PEX11A: variants seen among roughly 807,000 people sequenced by gnomAD.
The protein encoded by PEX11A is peroxisomal biogenesis factor 11 alpha.
A neutral mutation model predicts 14.4 loss-of-function variants in PEX11A; 13 were observed. The ratio of observed to expected loss-of-function variants is 0.90; its 90% CI spans 0.59 to 1.43. PEX11A has a LOEUF of 1.43. Ranked by LOEUF, PEX11A falls within the 40% of genes most tolerant of loss-of-function variation. The pLI, the probability that PEX11A is intolerant of heterozygous loss-of-function variation, is 0.00. For synonymous variants in PEX11A, 101 were observed against 113.0 expected (o/e 0.89, Z 0.67); for missense variants, 290 against 302.8 (o/e 0.96, Z 0.31).
chr15:89,686,479 C>T lies in PEX11A; in HGVS notation c.124G>A (p.Val42Ile). Residue 42 changes from valine to isoleucine, a missense_variant, in exon 2 of 3, where the codon GTA becomes ATA. By Grantham distance (29) the Val-to-Ile change is conservative (BLOSUM62 3). Coordinates refer to ENST00000300056, the MANE Select transcript of PEX11A (RefSeq NM_003847.3). ...GACTCCAGTTTCTTGAGCTTCATTA[C>T]CACCTTCTCTTTGCCAGCTTTGGGC... is the stretch of plus-strand genomic sequence containing the variant. The part of the protein sequence containing the change: ...LEPKAGKEKV[V>I]MKLKKLESSV... 6.2e-7 allele frequency: 1 copy of T among 1,606,430 alleles called. No individual in the cohort carries two copies. The highest frequency in any genetic ancestry group is 8.5e-7 in the Non-Finnish European group (1 of 1,173,084).
At chr15:89,687,247 C>A (rs1002530347) in intron 1 of PEX11A, among the ~76,000 whole-genome samples, 1 of 152,078 alleles carries the variant, frequency 6.6e-6, no homozygotes, top group African/African-American at 2.4e-5. Flanking sequence ...CTAAAATGAA[C>A]TTTTCTACCA....
rs1964613125 is a variant in PEX11A, at chr15:89,682,438, A to G, written c.*939T>C. 6.6e-6 allele frequency: 1 copy of G among 152,204 alleles called. No individual in the cohort carries two copies. The allele number at this position is 152,204 out of a possible 1,614,324, so 9.4% of individuals were successfully genotyped here. Reference sequence around the variant, plus strand: ...GCAATCCTTCCGCTTCAGCCTCCCAAAGTGCTGGGATTATAGGTGTGAGCC... The same window carrying G: ...GCAATCCTTCCGCTTCAGCCTCCCAGAGTGCTGGGATTATAGGTGTGAGCC... On this transcript the variant is annotated 3_prime_UTR_variant, in exon 3 of 3. Transcript: ENST00000300056.
chr15:89,684,334 T>G (rs1434848552), intron 2 of PEX11A, among the ~76,000 whole-genome samples: 3 of 152,196 alleles, frequency 2.0e-5, no homozygotes, highest in Non-Finnish European at 4.4e-5. Flanking sequence ...CTCTTTAAAT[T>G]TACCTCCTCC....
At chr15:89,686,972 G>T (rs1192379577) in intron 1 of PEX11A, among the ~76,000 whole-genome samples, 1 of 151,828 alleles carries the variant, frequency 6.6e-6, no homozygotes, top group African/African-American at 2.4e-5. Context: ...CGCCAGGCTG[G>T]AGTGCTGTGG....
At position 89,683,680 on chromosome 15, in the gene PEX11A, T is replaced by C. The variant is rs371136277; in HGVS notation, c.441A>G (p.Lys147=). ...TCTTTGCCCTGTCACATGTAACTCG[T>C]TTCATCTGCAGGGAGATTTCATACA... is the stretch of plus-strand genomic sequence containing the variant. The part of the protein sequence containing the change: ...RDLYEISLQM[K]RVTCDRAKKE... Residue 147 remains lysine (K), a synonymous_variant, in exon 3 of 3, where the codon AAA becomes AAG. Transcript: ENST00000300056. The C allele has an allele frequency of 1.9e-6, 3 of 1,614,120 alleles. No homozygotes were observed. Among genetic ancestry groups the C allele is most frequent in the Admixed American group, 1.7e-5 (1 of 60,014 alleles).
At position 89,681,641 on chromosome 15, in the gene PEX11A, T is replaced by C; in HGVS notation, c.*1736A>G. On this transcript the variant is annotated 3_prime_UTR_variant, in exon 3 of 3. Transcript: ENST00000300056. ...ATTTTCCCTGACCTAGTAGCTTTCA[T>C]GTCTCTTAAAATTCCCTAAATTTTA... 1 of 594,210 alleles carries C rather than the reference T, an allele frequency of 1.7e-6. No homozygotes were observed. The allele number at this position is 594,210 out of a possible 1,614,324, so 36.8% of individuals were successfully genotyped here.
At chr15:89,686,610 AG>A (rs753646870) in intron 1 of PEX11A, 64 bp from the exon 2 acceptor site, 63 of 773,392 alleles carry the variant, frequency 8.1e-5, no homozygotes, top group Non-Finnish European at 1.3e-4. Flanking sequence ...TAATTCAGGA[AG>A]TAAGGGAAAG....
At chr15:89,690,454 T>G in intron 1 of PEX11A, 123 bp downstream of exon 1, 1 of 687,168 alleles carries the variant, frequency 1.5e-6, no homozygotes. Context: ...CCGTAGGAGC[T>G]GGCAACGTCC....
At chr15:89,690,161 A>G (rs931679937) in intron 1 of PEX11A, among the ~76,000 whole-genome samples, 7 of 152,174 alleles carry the variant, frequency 4.6e-5, no homozygotes, top group Admixed American at 4.6e-4. Flanking sequence ...AAGTCACACC[A>G]AGTGGTTTGC....
Position 89,683,170 on chromosome 15 carries a change from T to A in PEX11A, c.*207A>T, listed in dbSNP as rs1964622411. On this transcript the variant is annotated 3_prime_UTR_variant, in exon 3 of 3. Coordinates refer to ENST00000300056, the MANE Select transcript of PEX11A (RefSeq NM_003847.3). ...GGGAAAATATTCAGAAATTCACAAGTCACTCCAGCACTCCAAAAACATACA... is the reference window on the plus strand; with the variant it reads ...GGGAAAATATTCAGAAATTCACAAGACACTCCAGCACTCCAAAAACATACA... The A allele has an allele frequency of 1.9e-6, 1 of 539,268 alleles. No individual in the cohort carries two copies. Among genetic ancestry groups the A allele is most frequent in the African/African-American group, 1.9e-5 (1 of 52,778 alleles). 33.4% of individuals were successfully genotyped at this position (539,268 alleles called of 1,614,324 possible). A position where few individuals can be genotyped will look rare whatever the true frequency, so the allele number is the denominator to read the frequency against.
Position 89,682,010 on chromosome 15 carries a change from A to G in PEX11A, c.*1367T>C, listed in dbSNP as rs1043173045. On this transcript the variant is annotated 3_prime_UTR_variant, in exon 3 of 3. Transcript: ENST00000300056. ...CCTCCTGCGCTTTCCACCTCCCTCA[A>G]TCACCCTAGAAATAAGATGTCTGAT... The G allele has an allele frequency of 3.7e-4, 56 of 152,860 alleles. No individual in the cohort carries two copies. The highest frequency in any genetic ancestry group is 2.2e-4 in the Non-Finnish European group (15 of 68,574). The allele number at this position is 152,860 out of a possible 1,614,324, so 9.5% of individuals were successfully genotyped here.
chr15:89,684,598 G>C (rs1233481473), intron 2 of PEX11A, among the ~76,000 whole-genome samples: 6 of 152,142 alleles, frequency 3.9e-5, no homozygotes, highest in Non-Finnish European at 7.4e-5. Context: ...ACCCCTTTTG[G>C]CTACCTATTG....
intron 1 of PEX11A, among the ~76,000 whole-genome samples, chr15:89,687,580 T>C (rs1326677375): frequency 6.6e-6 from 1 of 152,216 alleles, no homozygotes; most frequent in East Asian, 1.9e-4. Context: ...CATTTGGCAA[T>C]CTACTAATAA....
rs1239672502 is a variant in PEX11A at position 89,690,641 on chromosome 15, G to T, written c.-9C>A. The stretch of plus-strand genomic sequence containing the variant: ...CGGGTGAAGGCGTCCATGGCTTCTA[G>T]CCCAAAGGCCACGAGTCGCACGGGG... On this transcript the variant is annotated 5_prime_UTR_variant, in exon 1 of 3. Transcript: ENST00000300056. 2 of 1,550,322 alleles carry T rather than the reference G, an allele frequency of 1.3e-6. No individual in the cohort carries two copies. Among genetic ancestry groups the T allele is most frequent in the Admixed American group, 3.9e-5 (2 of 50,992 alleles).
Position 89,681,713 on chromosome 15 carries a change from C to T in PEX11A, c.*1664G>A. Reference sequence around the variant, plus strand: ...ATTGGTTAAACAGACAGCCAAGAATCTGAGTCTATTTTTTGAGAATCTCAA... The same window carrying T: ...ATTGGTTAAACAGACAGCCAAGAATTTGAGTCTATTTTTTGAGAATCTCAA... On this transcript the variant is annotated 3_prime_UTR_variant, in exon 3 of 3. Transcript: ENST00000300056. 1 of 487,358 alleles carries T rather than the reference C, an allele frequency of 2.1e-6. No homozygotes were observed. The highest frequency in any genetic ancestry group is 4.0e-5 in the South Asian group (1 of 25,228). 30.2% of individuals were successfully genotyped at this position (487,358 alleles called of 1,614,324 possible).
Position 89,683,966 on chromosome 15 carries a change from A to G in PEX11A, c.173-18T>C. 1 of 1,517,112 alleles carries G rather than the reference A, an allele frequency of 6.6e-7. No homozygotes were observed. Among genetic ancestry groups the G allele is most frequent in the Non-Finnish European group, 9.1e-7 (1 of 1,100,036 alleles). The allele number at this position is 1,517,112 out of a possible 1,614,324, so 94.0% of individuals were successfully genotyped here. On this transcript the variant is annotated intron_variant, in intron 2 of 2. Coordinates refer to ENST00000300056, the MANE Select transcript of PEX11A (RefSeq NM_003847.3). Reference sequence around the variant, plus strand: ...TCTGAACCCTGCAAGTAGAACCCACAATAGTGAACAGTTATTTCATTAGTA... The same window carrying G: ...TCTGAACCCTGCAAGTAGAACCCACGATAGTGAACAGTTATTTCATTAGTA...
At chr15:89,686,831 T>C (rs1964683930) in intron 1 of PEX11A, among the ~76,000 whole-genome samples, 1 of 113,598 alleles carries the variant, frequency 8.8e-6, no homozygotes, top group South Asian at 2.5e-4. Flanking sequence ...GAAATGGATA[T>C]AGTCAAAGTG....
At position 89,683,083 on chromosome 15, in the gene PEX11A, C is replaced by G; in HGVS notation, c.*294G>C. 2.9e-6 allele frequency: 1 copy of G among 348,022 alleles called. No homozygotes were observed. The highest frequency in any genetic ancestry group is 5.2e-6 in the Non-Finnish European group (1 of 193,018). 21.6% of individuals were successfully genotyped at this position (348,022 alleles called of 1,614,324 possible). A position where few individuals can be genotyped will look rare whatever the true frequency, so the allele number is the denominator to read the frequency against. ...AAATTTTTTCCTTTCAATTTTTATT[C>G]ATTCAGCAAATACTAAGCTCCCACT... On this transcript the variant is annotated 3_prime_UTR_variant, in exon 3 of 3. Coordinates refer to ENST00000300056, the MANE Select transcript of PEX11A (RefSeq NM_003847.3).
chr15:89,681,582 A>T lies in PEX11A; in HGVS notation c.*1795T>A, dbSNP rs767340351. 1.4e-6 allele frequency: 1 copy of T among 693,378 alleles called. No individual in the cohort carries two copies. The highest frequency in any genetic ancestry group is 2.6e-6 in the Non-Finnish European group (1 of 381,536). 43.0% of individuals were successfully genotyped at this position (693,378 alleles called of 1,614,324 possible). A position where few individuals can be genotyped will look rare whatever the true frequency, so the allele number is the denominator to read the frequency against. ...CATAGTTAATCTATTACAGTAGAGGATCTGGACAATAAAAATAGTTATTTA... is the reference window on the plus strand; with the variant it reads ...CATAGTTAATCTATTACAGTAGAGGTTCTGGACAATAAAAATAGTTATTTA... On this transcript the variant is annotated 3_prime_UTR_variant, in exon 3 of 3. Coordinates refer to ENST00000300056, the MANE Select transcript of PEX11A (RefSeq NM_003847.3).
Sources: allele counts gnomAD v4.1 joint callset (sites outside exome capture counted in the v4.1 genomes callset), GRCh38; gene constraint gnomAD v4.1.1; transcripts MANE v1.5; gene names NCBI Gene and HGNC (gene_info 2026-07-23, HGNC 2026-07-21).